The following XRN2 variants were observed in gnomAD, a reference collection of about 807,000 sequenced individuals.
XRN2 encodes the protein 5'-3' exoribonuclease 2.
A neutral mutation model predicts 138.5 loss-of-function variants in XRN2; 44 were observed. The observed-to-expected ratio is 0.32, with a 90% confidence interval of 0.25 to 0.41. The LOEUF (loss-of-function observed/expected upper bound fraction) is 0.41, where lower values mean the gene tolerates loss of function less well. XRN2 is among the 10% of genes least tolerant of loss of function. XRN2 has a pLI of 1.00. For missense variants in XRN2, 937 were observed against 1,169.3 expected (o/e 0.80, Z 2.90); for synonymous variants, 354 against 369.4 (o/e 0.96, Z 0.48).
chr20:21,366,737 A>C (rs73298368), intron 26 of XRN2, among the ~76,000 whole-genome samples: 11,745 of 152,196 alleles, frequency 0.077, 556 homozygotes, highest in East Asian at 0.16. Flanking sequence ...CATTTTGGAC[A>C]ACACATTATT....
At chr20:21,372,542 G>A (rs2038774686) in intron 27 of XRN2, among the ~76,000 whole-genome samples, 1 of 152,146 alleles carries the variant, frequency 6.6e-6, no homozygotes, top group Non-Finnish European at 1.5e-5. Flanking sequence ...AATGTGGCAT[G>A]TAGCAATAAA....
chr20:21,344,240 C>CA, intron 16 of XRN2, 32 bp downstream of exon 16: 1 of 1,527,434 alleles, frequency 6.5e-7, no homozygotes. Flanking sequence ...ACTTTGTTAG[C>CA]AAATTGCTGA....
At chr20:21,354,399 A>C (rs948417201) in intron 20 of XRN2, among the ~76,000 whole-genome samples, 1 of 152,222 alleles carries the variant, frequency 6.6e-6, no homozygotes, top group African/African-American at 2.4e-5. Flanking sequence ...AAGTACTAGA[A>C]AGAAGAAAGG....
intron 27 of XRN2, among the ~76,000 whole-genome samples, chr20:21,380,831 G>C (rs992379432): frequency 7.2e-5 from 11 of 152,330 alleles, no homozygotes; most frequent in South Asian, 2.1e-4. Flanking sequence ...GGCAGCTGCA[G>C]ATGGCTGCCC....
intron 27 of XRN2, among the ~76,000 whole-genome samples, chr20:21,374,914 G>A (rs183934143): frequency 1.3e-5 from 2 of 150,824 alleles, no homozygotes; most frequent in Admixed American, 6.6e-5. Flanking sequence ...TGGGCTTAGA[G>A]ATTCCTTTAT....
chr20:21,303,764 G>T (rs960766568), intron 1 of XRN2: 2 of 1,180,320 alleles, frequency 1.7e-6, no homozygotes, highest in South Asian at 3.1e-5. Flanking sequence ...GGAAGGCCCC[G>T]CCCACTGCTT....
At chr20:21,349,972 A>G (rs772995112) in intron 20 of XRN2, among the ~76,000 whole-genome samples, 1 of 152,208 alleles carries the variant, frequency 6.6e-6, no homozygotes, top group Non-Finnish European at 1.5e-5. Flanking sequence ...GTAGCTCATT[A>G]ACACCTTTTG....
intron 4 of XRN2, among the ~76,000 whole-genome samples, chr20:21,329,897 G>A (rs946937850): frequency 7.5e-6 from 1 of 132,944 alleles, no homozygotes; most frequent in Non-Finnish European, 1.6e-5. Flanking sequence ...GTGTGTGTGT[G>A]TATTCTCTTA....
chr20:21,342,300 A>T (rs576715370), intron 15 of XRN2, among the ~76,000 whole-genome samples: 4 of 152,004 alleles, frequency 2.6e-5, no homozygotes, highest in Non-Finnish European at 4.4e-5. Flanking sequence ...ATTTCCTTAT[A>T]TTTGTGGTTT....
At chr20:21,356,722 T>A in intron 23 of XRN2, 57 bp downstream of exon 23, 1 of 1,426,786 alleles carries the variant, frequency 7.0e-7, no homozygotes, top group Non-Finnish European at 9.7e-7. Flanking sequence ...GTTAGGATTT[T>A]TTTCCTTGTT....
At chr20:21,344,006 T>C (rs2038404496) in intron 15 of XRN2, 84 bp from the exon 16 acceptor site, 2 of 931,468 alleles carry the variant, frequency 2.1e-6, no homozygotes, top group East Asian at 2.4e-5. Flanking sequence ...CTGTGAAACA[T>C]GGTAAGTAGT....
intron 1 of XRN2, among the ~76,000 whole-genome samples, chr20:21,316,446 T>C (rs976363586): frequency 6.6e-6 from 1 of 152,206 alleles, no homozygotes; most frequent in African/African-American, 2.4e-5. Context: ...TCATGATCCA[T>C]TTTGAGTTGT....
chr20:21,382,041 C>A lies in XRN2; in HGVS notation c.2632C>A (p.Gln878Lys), dbSNP rs1196694193. The change falls in exon 28 of 30, where the codon CAG (glutamine) becomes AAG (lysine). Residue 878 changes from glutamine (Q) to lysine (K), a missense_variant. Gln to Lys is a moderately conservative substitution (Grantham distance 53, BLOSUM62 1). Around this residue, in one of 6 missense-constraint regions of XRN2, gnomAD observed 372 missense variants for 414.4 expected, o/e 0.90. Transcript: ENST00000377191. ...SWRGPPPLFQ[Q>K]QRFDRGVGAE... ...GCGAGGTCCTCCTCCCCTTTTCCAGCAGCAAAGGTTTGACAGGTAATATTA... is the reference window on the plus strand; with the variant it reads ...GCGAGGTCCTCCTCCCCTTTTCCAGAAGCAAAGGTTTGACAGGTAATATTA... The A allele has an allele frequency of 1.3e-6, 2 of 1,586,868 alleles. No individual in the cohort carries two copies. The highest frequency in any genetic ancestry group is 1.7e-6 in the Non-Finnish European group (2 of 1,171,442).
At chr20:21,348,115 G>T (rs1357090903) in intron 17 of XRN2, 31 bp from the exon 18 acceptor site, 11 of 1,567,366 alleles carry the variant, frequency 7.0e-6, no homozygotes, top group South Asian at 4.8e-5. Flanking sequence ...ATAGGTTTTT[G>T]ATTTTGTTGT....
At position 21,389,326 on chromosome 20, in the gene XRN2, C is replaced by T. The variant is rs1414068468; in HGVS notation, c.2841C>T (p.Tyr947=). The change falls in exon 30 of 30, where the codon TAC becomes TAT. Residue 947 remains tyrosine, a synonymous_variant. Coordinates refer to ENST00000377191, the MANE Select transcript of XRN2 (RefSeq NM_012255.5). ...CTTTGCCACCACCCTCAGGAAGATA[C>T]AATTGGAATTAAGCTTTTGTAAAGC... ...KYPLPPPSGR[Y]NWN 6.2e-7 allele frequency: 1 copy of T among 1,612,792 alleles called. No homozygotes were observed. Among genetic ancestry groups the T allele is most frequent in the Non-Finnish European group, 8.5e-7 (1 of 1,179,362 alleles).
intron 1 of XRN2, 58 bp downstream of exon 1, chr20:21,303,531 C>G: frequency 2.0e-6 from 3 of 1,507,336 alleles, no homozygotes; most frequent in Admixed American, 2.3e-5. Flanking sequence ...ACGTCTAGGC[C>G]GCGGCCCATG....
chr20:21,332,133 A>G, intron 8 of XRN2, 150 bp from the exon 9 acceptor site: 1 of 958,548 alleles, frequency 1.0e-6, no homozygotes, highest in Non-Finnish European at 1.5e-6. Flanking sequence ...GTTAACTGGG[A>G]AATGCCAGGA....
chr20:21,303,416 C>A lies in XRN2; in HGVS notation c.18C>A (p.Phe6Leu). Residue 6 changes from phenylalanine (F) to leucine (L), a missense_variant, in exon 1 of 30, where the codon TTC becomes TTA. Physicochemically the swap from Phe to Leu is conservative, Grantham distance 22 (BLOSUM62 0). Coordinates refer to ENST00000377191, the MANE Select transcript of XRN2 (RefSeq NM_012255.5). MGVPA[F>L]FRWLSRKYPS... ...GTGCCGCTATGGGAGTCCCGGCGTT[C>A]TTCCGCTGGCTCAGCCGCAAGTACC... 1.3e-6 allele frequency: 2 copies of A among 1,548,952 alleles called. No individual in the cohort carries two copies. The highest frequency in any genetic ancestry group is 1.7e-6 in the Non-Finnish European group (2 of 1,146,142).
chr20:21,376,040 G>A (rs142896261), intron 27 of XRN2, among the ~76,000 whole-genome samples: 2,190 of 152,094 alleles, frequency 0.014, 47 homozygotes, highest in African/African-American at 0.05. Flanking sequence ...GGGTTTCACC[G>A]CGTTAGCCAG....
Sources: allele counts gnomAD v4.1 joint callset (sites outside exome capture counted in the v4.1 genomes callset), GRCh38; gene constraint gnomAD v4.1.1; regional missense constraint gnomAD v4.1.1; transcripts MANE v1.5; gene names NCBI Gene and HGNC (gene_info 2026-07-23, HGNC 2026-07-21).